The following USP34 variants were observed in gnomAD, a reference collection of about 807,000 sequenced individuals.
USP34 encodes ubiquitin carboxyl-terminal hydrolase 34.
Under a neutral mutation model 460.3 loss-of-function variants are expected in USP34, and 70 were observed. The ratio of observed to expected loss-of-function variants is 0.15; its 90% confidence interval spans 0.13 to 0.19. The LOEUF is 0.19. USP34 is among the 10% of genes least tolerant of loss of function. The pLI is 1.00. For synonymous variants in USP34, 1,647 were observed against 1,405.3 expected (o/e 1.17, Z -3.85); for missense variants, 3,985 against 4,236.2 (o/e 0.94, Z 1.65).
rs199698738 is a variant in USP34, at chr2:61,259,800, T to A, written c.5779-24A>T. ...TACTGAAAATCAAGAGAAAACACCA[T>A]TAAAAACACAGACATGATGGTAGTA... On this transcript the variant is annotated intron_variant, in intron 43 of 79. Coordinates refer to ENST00000398571, the MANE Select transcript of USP34 (RefSeq NM_014709.4). 2.5e-6 allele frequency: 4 copies of A among 1,608,006 alleles called. No homozygotes were observed. In the East Asian group the frequency reaches 8.9e-5, roughly 36 times the overall value.
At chr2:61,379,040 A>G (rs1302951235) in intron 7 of USP34, among the ~76,000 whole-genome samples, 1 of 152,084 alleles carries the variant, frequency 6.6e-6, no homozygotes, top group Non-Finnish European at 1.5e-5. Context: ...AACGCAAGAG[A>G]GCAAGTAATA....
chr2:61,238,391 A>C (rs951530201), intron 53 of USP34, among the ~76,000 whole-genome samples: 5 of 152,102 alleles, frequency 3.3e-5, no homozygotes, highest in African/African-American at 1.2e-4. Context: ...TCTAACTCTC[A>C]AGTTTCAGTT....
chr2:61,328,945 TAATTA>T (rs1691178031), intron 20 of USP34, among the ~76,000 whole-genome samples: 1 of 152,232 alleles, frequency 6.6e-6, no homozygotes, highest in Admixed American at 6.5e-5. Context: ...TGCTGACAAG[TAATTA>T]ACTCCCCATC....
intron 59 of USP34, among the ~76,000 whole-genome samples, chr2:61,229,240 G>C (rs1213316619): frequency 3.7e-5 from 4 of 107,808 alleles, no homozygotes; most frequent in Non-Finnish European, 1.9e-5. Flanking sequence ...TTACCTTCTT[G>C]AATGTATTAT....
At chr2:61,202,203 C>A (rs1686995849) in intron 75 of USP34, among the ~76,000 whole-genome samples, 1 of 152,180 alleles carries the variant, frequency 6.6e-6, no homozygotes, top group South Asian at 2.1e-4. Flanking sequence ...ATCTTCTGCC[C>A]TACCTGGAAT....
At chr2:61,441,802 C>CAAAAAAAAAAAGAAAAAAAAAAAAAAAAA (rs1694971695) in intron 1 of USP34, among the ~76,000 whole-genome samples, 1 of 97,336 alleles carries the variant, frequency 1.0e-5, no homozygotes, top group Non-Finnish European at 2.1e-5. Flanking sequence ...GACTGCATTA[C>CAAAAAAAAAAAGAAAAAAAAAAAAAAAAA]AAAAAAAAAA....
intron 13 of USP34, 97 bp downstream of exon 13, chr2:61,349,153 C>T (rs1040102131): frequency 1.4e-6 from 2 of 1,404,466 alleles, no homozygotes; most frequent in Non-Finnish European, 1.9e-6. Context: ...AACTTTATGA[C>T]TGATACAAAT....
At position 61,314,926 on chromosome 2, in the gene USP34, C is replaced by G. The variant is rs1356943240; in HGVS notation, c.3331G>C (p.Gly1111Arg). 1.2e-6 allele frequency: 2 copies of G among 1,613,708 alleles called. No individual in the cohort carries two copies. The highest frequency in any genetic ancestry group is 2.7e-5 in the African/African-American group (2 of 74,884). The change falls in exon 24 of 80, where the codon GGT becomes CGT. Residue 1111 changes from glycine (G) to arginine (R), a missense_variant. Around this residue, in one of 14 missense-constraint regions of USP34, gnomAD observed 1,114 missense variants for 1,122.5 expected, o/e 0.99. Transcript: ENST00000398571. The stretch of plus-strand genomic sequence containing the variant: ...TGGATAGCTGCTCGACTGACATCAC[C>G]AGATTGTGCTCTTAAAGCAATGCCC... ...FWGIALRAQS[G>R]DVSRAAIQYI... is the part of the protein sequence containing the mutation.
chr2:61,370,419 A>G lies in USP34; in HGVS notation c.1159-6T>C. 2 of 1,613,862 alleles carry G rather than the reference A, an allele frequency of 1.2e-6. No individual in the cohort carries two copies. The highest frequency in any genetic ancestry group is 1.7e-6 in the Non-Finnish European group (2 of 1,179,918). On this transcript the variant is annotated splice_polypyrimidine_tract_variant and splice_region_variant and intron_variant, in intron 9 of 79. Transcript: ENST00000398571. ...ACTTGGCACTGTTTGATAATCTGGA[A>G]AAGAAAAACTTAATATCAATTTTTA...
intron 75 of USP34, among the ~76,000 whole-genome samples, chr2:61,201,413 C>T (rs539875344): frequency 5.7e-4 from 86 of 151,972 alleles, no homozygotes; most frequent in Admixed American, 1.1e-3. Flanking sequence ...AGACATTTCA[C>T]CATGTTGGCC....
chr2:61,378,638 G>A (rs1045017152), intron 7 of USP34, among the ~76,000 whole-genome samples: 2 of 152,106 alleles, frequency 1.3e-5, no homozygotes, highest in Admixed American at 6.5e-5. Context: ...AGGCGCAGCG[G>A]CTCACACCTG....
intron 34 of USP34, among the ~76,000 whole-genome samples, chr2:61,286,582 G>C (rs144349775): frequency 5.9e-4 from 90 of 152,210 alleles, no homozygotes; most frequent in African/African-American, 2.1e-3. Flanking sequence ...TTGAACACGG[G>C]AGGCAGAGGT....
intron 1 of USP34, among the ~76,000 whole-genome samples, chr2:61,436,771 T>C (rs573839874): frequency 2.0e-4 from 31 of 152,338 alleles, no homozygotes; most frequent in African/African-American, 5.3e-4. Flanking sequence ...TTCTCCAGAA[T>C]TGACCATATT....
At chr2:61,321,180 A>C (rs975938309) in intron 21 of USP34, among the ~76,000 whole-genome samples, 8 of 151,842 alleles carry the variant, frequency 5.3e-5, no homozygotes, top group African/African-American at 1.9e-4. Flanking sequence ...TAAAAAAAAA[A>C]ACAAAAAAAT....
intron 48 of USP34, among the ~76,000 whole-genome samples, chr2:61,252,681 GATT>G (rs1688619050): frequency 6.6e-6 from 1 of 152,228 alleles, no homozygotes; most frequent in Non-Finnish European, 1.5e-5. Context: ...CACTATTTTA[GATT>G]ATTTGGGAGA....
intron 1 of USP34, among the ~76,000 whole-genome samples, chr2:61,462,427 T>C (rs1461385435): frequency 6.7e-6 from 1 of 150,316 alleles, no homozygotes; most frequent in Non-Finnish European, 1.5e-5. Flanking sequence ...TACGCACCTG[T>C]AATCCCAGCT....
intron 48 of USP34, among the ~76,000 whole-genome samples, chr2:61,254,265 T>C (rs1446794125): frequency 6.6e-6 from 1 of 152,224 alleles, no homozygotes; most frequent in Non-Finnish European, 1.5e-5. Context: ...CTAATTTTCT[T>C]TCTTTCCTTG....
intron 27 of USP34, among the ~76,000 whole-genome samples, chr2:61,302,647 T>C (rs567980875): frequency 6.6e-6 from 1 of 152,342 alleles, no homozygotes; most frequent in East Asian, 1.9e-4. Flanking sequence ...TTCCCCAAAC[T>C]GAACAAGTCA....
chr2:61,198,317 CTTAT>C (rs777105511), intron 75 of USP34, among the ~76,000 whole-genome samples: 80 of 152,290 alleles, frequency 5.3e-4, no homozygotes, highest in Non-Finnish European at 1.0e-3. Context: ...ACATGCCTGT[CTTAT>C]TTGTTTTCAT....
Sources: allele counts gnomAD v4.1 joint callset (sites outside exome capture counted in the v4.1 genomes callset), GRCh38; gene constraint gnomAD v4.1.1; regional missense constraint gnomAD v4.1.1; transcripts MANE v1.5; gene names NCBI Gene and HGNC (gene_info 2026-07-23, HGNC 2026-07-21).